ARHGAP32: variants seen among roughly 807,000 people sequenced by gnomAD.
ARHGAP32 encodes rho GTPase-activating protein 32.
ARHGAP32 carries 51 observed loss-of-function variants against 186.5 expected under a neutral mutation model. The ratio of observed to expected loss-of-function variants is 0.27; its 90% CI spans 0.22 to 0.35. ARHGAP32 has a LOEUF of 0.35. Ranked by LOEUF, ARHGAP32 falls within the 10% of genes least tolerant of loss-of-function variation. The pLI is 1.00. For synonymous variants in ARHGAP32, 950 were observed against 964.3 expected, an observed-to-expected ratio of 0.99 and a Z score of 0.27; for missense variants, 2,186 against 2,623.5, an observed-to-expected ratio of 0.83 and a Z score of 3.64.
At position 129,129,354 on chromosome 11, in the gene ARHGAP32, C is replaced by T. The variant is rs1213048928; in HGVS notation, c.226-4460G>A. ...AGTGAGGAGCCCCTCCGCCCGGCAG[C>T]CGCCCCGTCTGGGAAGTGAGGAGCC... is the stretch of plus-strand genomic sequence containing the variant. On this transcript the variant is annotated intron_variant, in intron 2 of 22. Transcript: ENST00000682385. 2.0e-5 allele frequency among the ~76,000 whole-genome samples: 3 copies of T among 151,812 alleles called. 1 individual carries two copies. Among genetic ancestry groups the T allele is most frequent in the South Asian group, 2.1e-4 (1 of 4,686 alleles).
At chr11:129,199,966 A>G (rs1944438974) in intron 1 of ARHGAP32, among the ~76,000 whole-genome samples, 1 of 152,322 alleles carries the variant, frequency 6.6e-6, no homozygotes. Context: ...GGTGTGAGAC[A>G]TGGTGTCAAA....
chr11:128,997,356 T>A lies in ARHGAP32; in HGVS notation c.1195+963A>T, dbSNP rs1011205433. Among the ~76,000 whole-genome samples the A allele has an allele frequency of 5.3e-5, 8 of 152,342 alleles. No individual in the cohort carries two copies. The East Asian group carries it at 1.5e-3, about 29-fold the overall frequency. ...GTTTGCATTAAATTCCTAAGTCCAC[T>A]GATATTCTTTAAACAATGAGCAAGA... is the stretch of plus-strand genomic sequence containing the variant. On this transcript the variant is annotated intron_variant, in intron 12 of 22. Transcript: ENST00000682385.
chr11:129,107,231 G>C (rs1942072571), intron 5 of ARHGAP32, among the ~76,000 whole-genome samples: 1 of 152,092 alleles, frequency 6.6e-6, no homozygotes, highest in Admixed American at 6.5e-5. Flanking sequence ...AAAAATAAAG[G>C]AGAAATTAAG....
intron 2 of ARHGAP32, among the ~76,000 whole-genome samples, chr11:129,131,003 CG>C (rs1388906248): frequency 6.6e-6 from 1 of 151,486 alleles, no homozygotes; most frequent in Non-Finnish European, 1.5e-5. Context: ...ATTCTGTGAT[CG>C]AAAAATAATT....
At chr11:129,080,342 T>C (rs1382748162) in intron 6 of ARHGAP32, among the ~76,000 whole-genome samples, 2 of 152,062 alleles carry the variant, frequency 1.3e-5, no homozygotes, top group African/African-American at 4.8e-5. Context: ...AGACAGACCA[T>C]ATGATAGGCC....
chr11:129,252,064 T>A (rs186314854), intron 1 of ARHGAP32, among the ~76,000 whole-genome samples: 64 of 152,210 alleles, frequency 4.2e-4, no homozygotes, highest in Admixed American at 3.9e-4. Flanking sequence ...TCAAATATAA[T>A]TTAAATATCA....
intron 5 of ARHGAP32, among the ~76,000 whole-genome samples, chr11:129,119,197 G>A (rs936825484): frequency 5.3e-5 from 8 of 151,852 alleles, no homozygotes; most frequent in African/African-American, 1.7e-4. Flanking sequence ...TCTAGGAACC[G>A]TACTTCCTTT....
intron 11 of ARHGAP32, among the ~76,000 whole-genome samples, chr11:129,008,102 AG>A (rs1353818512): frequency 1.3e-5 from 2 of 151,968 alleles, no homozygotes; most frequent in East Asian, 1.9e-4. Flanking sequence ...GGGATGGGGG[AG>A]GGGGTGGCAA....
chr11:129,171,012 G>A (rs1943748806), intron 1 of ARHGAP32, among the ~76,000 whole-genome samples: 1 of 151,556 alleles, frequency 6.6e-6, no homozygotes, highest in African/African-American at 2.4e-5. Context: ...TTTTGATGGG[G>A]TTATTTATCT....
chr11:128,993,939 C>T (rs1360461734), intron 12 of ARHGAP32, among the ~76,000 whole-genome samples: 1 of 152,000 alleles, frequency 6.6e-6, no homozygotes, highest in Non-Finnish European at 1.5e-5. Flanking sequence ...AAACTCTGTT[C>T]CACTCAAATA....
intron 11 of ARHGAP32, among the ~76,000 whole-genome samples, chr11:129,011,724 A>G (rs1197451304): frequency 6.6e-6 from 1 of 152,242 alleles, no homozygotes; most frequent in Non-Finnish European, 1.5e-5. Flanking sequence ...GGTTGAATAA[A>G]TTATGGTACA....
At chr11:129,274,786 G>A (rs1945512312) in intron 1 of ARHGAP32, among the ~76,000 whole-genome samples, 1 of 151,794 alleles carries the variant, frequency 6.6e-6, no homozygotes, top group East Asian at 1.9e-4. Flanking sequence ...TTTCAACTCT[G>A]AGAAGCATGC....
intron 1 of ARHGAP32, among the ~76,000 whole-genome samples, chr11:129,218,597 A>G (rs11221610): frequency 0.13 from 20,293 of 152,082 alleles, 1,548 homozygotes; most frequent in African/African-American, 0.19. Context: ...CTATAAAAGG[A>G]GGCAGGAGAG....
intron 11 of ARHGAP32, among the ~76,000 whole-genome samples, chr11:129,008,104 G>A (rs35180290): frequency 0.2 from 30,821 of 152,042 alleles, 3,257 homozygotes; most frequent in Non-Finnish European, 0.22. Flanking sequence ...GATGGGGGAG[G>A]GGGTGGCAAA....
chr11:128,971,268 T>C, intron 22 of ARHGAP32, 109 bp from the exon 23 acceptor site: 1 of 915,466 alleles, frequency 1.1e-6, no homozygotes, highest in Non-Finnish European at 1.6e-6. Context: ...CAGCTTGAAC[T>C]TTCCCAAGCC....
rs182727496 is a variant in ARHGAP32 at position 129,150,390 on chromosome 11, G to A, written c.225+13929C>T. ...CAGGTTATCTAAATCCCTCATAGTT[G>A]GTGAGGCTGGCCTGGCTCCTGCAGT... On this transcript the variant is annotated intron_variant, in intron 2 of 22. Transcript: ENST00000682385. Among the ~76,000 whole-genome samples the A allele has an allele frequency of 3.6e-3, 544 of 152,186 alleles. 1 individual carries two copies. The highest frequency in any genetic ancestry group is 5.1e-3 in the Non-Finnish European group (347 of 67,990).
At chr11:129,077,678 C>G (rs1250340955) in intron 6 of ARHGAP32, among the ~76,000 whole-genome samples, 2 of 152,130 alleles carry the variant, frequency 1.3e-5, no homozygotes, top group East Asian at 1.9e-4. Flanking sequence ...ACGCTACCCC[C>G]ACCTGATGGT....
intron 15 of ARHGAP32, among the ~76,000 whole-genome samples, chr11:128,982,891 T>TAAAAAAAAAAAAAAAAAAAAAAAAA (rs34630708): frequency 1.5e-5 from 1 of 66,408 alleles, no homozygotes; most frequent in Non-Finnish European, 2.7e-5. Flanking sequence ...ACCTTGTCTT[T>TAAAAAAAAAAAAAAAAAAAAAAAAA]AAAAAAAAAA....
chr11:129,040,676 CTA>C (rs1245693987), intron 11 of ARHGAP32, among the ~76,000 whole-genome samples: 1 of 151,984 alleles, frequency 6.6e-6, no homozygotes, highest in Non-Finnish European at 1.5e-5. Context: ...TATTATGCAA[CTA>C]TAAAAGTAAA....
Sources: allele counts gnomAD v4.1 joint callset (sites outside exome capture counted in the v4.1 genomes callset), GRCh38; gene constraint gnomAD v4.1.1; transcripts MANE v1.5; gene names NCBI Gene and HGNC (gene_info 2026-07-23, HGNC 2026-07-21).